AGBL4: variants seen among roughly 807,000 people sequenced by gnomAD.
The protein encoded by AGBL4 is AGBL carboxypeptidase 4.
Under a neutral mutation model 66.4 loss-of-function variants are expected in AGBL4, and 58 were observed. The observed-to-expected ratio is 0.87, with a 90% confidence interval of 0.71 to 1.09. The LOEUF (loss-of-function observed/expected upper bound fraction) is 1.09, where lower values mean the gene tolerates loss of function less well. Among genes scored for constraint, AGBL4 ranks in the 50% least tolerant of loss-of-function variants. The probability of loss-of-function intolerance (pLI) is 0.00; values close to 1 mark genes in which losing one functional copy is unlikely to be tolerated. For synonymous variants in AGBL4, 234 were observed against 222.9 expected, an observed-to-expected ratio of 1.05 and a Z score of -0.44; for missense variants, 579 against 631.0, an observed-to-expected ratio of 0.92 and a Z score of 0.88.
At chr1:48,735,022 C>T (rs1648793825) in intron 6 of AGBL4, among the ~76,000 whole-genome samples, 1 of 152,244 alleles carries the variant, frequency 6.6e-6, no homozygotes, top group Non-Finnish European at 1.5e-5. Context: ...AGTTACTTAA[C>T]ATTTCTGTGT....
rs368785456 is a variant in AGBL4 at position 49,036,508 on chromosome 1, G to A, written c.594+9076C>T. The stretch of plus-strand genomic sequence containing the variant: ...TGGGGGTAGGAGAAAAGAGAGATTA[G>A]TTTGGAGAAGAGAAGACTCATCAAG... On this transcript the variant is annotated intron_variant, in intron 5 of 13. Coordinates refer to ENST00000371839, the MANE Select transcript of AGBL4 (RefSeq NM_032785.4). Among the ~76,000 whole-genome samples the A allele has an allele frequency of 4.5e-4, 68 of 152,182 alleles. 1 individual carries two copies. The South Asian group carries it at 9.5e-3, about 21-fold the overall frequency.
At chr1:48,650,292 G>A (rs896346380) in intron 8 of AGBL4, among the ~76,000 whole-genome samples, 11 of 152,204 alleles carry the variant, frequency 7.2e-5, no homozygotes, top group Non-Finnish European at 1.5e-4. Flanking sequence ...TTGAGAGTCT[G>A]CACGTCCAGA....
At chr1:49,885,494 A>G (rs1250786796) in intron 1 of AGBL4, among the ~76,000 whole-genome samples, 1 of 151,770 alleles carries the variant, frequency 6.6e-6, no homozygotes, top group Non-Finnish European at 1.5e-5. Flanking sequence ...CACCAAAAAA[A>G]CCCCTAAACA....
chr1:49,846,222 A>G (rs1317883487), intron 2 of AGBL4: 7 of 1,459,450 alleles, frequency 4.8e-6, no homozygotes, highest in Non-Finnish European at 5.8e-6. Context: ...AAAAGGACAC[A>G]CACTGGGGAA....
At chr1:49,319,468 A>T (rs781647532) in intron 3 of AGBL4, among the ~76,000 whole-genome samples, 1 of 152,230 alleles carries the variant, frequency 6.6e-6, no homozygotes, top group Non-Finnish European at 1.5e-5. Context: ...CACCATTGCC[A>T]GAACTCAGCC....
intron 3 of AGBL4, among the ~76,000 whole-genome samples, chr1:49,561,658 T>C (rs887086936): frequency 1.3e-5 from 2 of 152,132 alleles, no homozygotes; most frequent in South Asian, 2.1e-4. Flanking sequence ...TATGGCTGCA[T>C]AGTATTCCAT....
chr1:49,414,899 T>A (rs1009334571), intron 3 of AGBL4, among the ~76,000 whole-genome samples: 1 of 152,184 alleles, frequency 6.6e-6, no homozygotes, highest in Non-Finnish European at 1.5e-5. Context: ...ATAGTTGCTA[T>A]TTTTATTTTG....
At chr1:49,752,574 C>T (rs1651560888) in intron 2 of AGBL4, among the ~76,000 whole-genome samples, 1 of 151,998 alleles carries the variant, frequency 6.6e-6, no homozygotes. Flanking sequence ...GTTCTGTAGA[C>T]GTCTATTGGG....
intron 9 of AGBL4, among the ~76,000 whole-genome samples, chr1:48,602,594 A>G (rs914613859): frequency 1.3e-5 from 2 of 152,204 alleles, no homozygotes; most frequent in Non-Finnish European, 2.9e-5. Flanking sequence ...TCCACTTGGC[A>G]GAGTGCACAT....
In AGBL4 at chr1:49,190,958, T is replaced by C. The variant is rs190356429; in HGVS notation, c.377+54812A>G. On this transcript the variant is annotated intron_variant, in intron 4 of 13. Coordinates refer to ENST00000371839, the MANE Select transcript of AGBL4 (RefSeq NM_032785.4). ...GGAAAATGAAAACCTTTGTTCTCAA[T>C]TGGACTGGAAATATCCATAAAGGGT... is the stretch of plus-strand genomic sequence containing the variant. 1.8e-3 allele frequency among the ~76,000 whole-genome samples: 273 copies of C among 152,332 alleles called. 3 individuals carry two copies. Among genetic ancestry groups the C allele is most frequent in the Non-Finnish European group, 1.5e-3 (105 of 68,022 alleles).
In AGBL4 at chr1:49,539,781, G is replaced by C. The variant is rs79159368; in HGVS notation, c.282+157532C>G. Among the ~76,000 whole-genome samples, 499 of 152,310 alleles carry C rather than the reference G, an allele frequency of 3.3e-3. 4 individuals are homozygous for C. Among genetic ancestry groups the C allele is most frequent in the Non-Finnish European group, 5.3e-3 (363 of 68,026 alleles). On this transcript the variant is annotated intron_variant, in intron 3 of 13. Transcript: ENST00000371839. ...AGTAGCCAAAGAAGGCTTGCCAGAA[G>C]AGGAGCCACCTGACCTTAGCTGGGA...
At chr1:49,916,668 T>C (rs574964240) in intron 1 of AGBL4, among the ~76,000 whole-genome samples, 8 of 152,172 alleles carry the variant, frequency 5.3e-5, no homozygotes, top group Non-Finnish European at 1.2e-4. Context: ...CTGCAGGATA[T>C]TATCCAGGAG....
At chr1:48,825,344 G>T (rs1252071034) in intron 6 of AGBL4, among the ~76,000 whole-genome samples, 1 of 152,104 alleles carries the variant, frequency 6.6e-6, no homozygotes, top group Non-Finnish European at 1.5e-5. Context: ...TGTCCTGATG[G>T]TATCAGAGGT....
chr1:48,593,499 C>A (rs144932384), intron 9 of AGBL4, among the ~76,000 whole-genome samples: 1 of 152,094 alleles, frequency 6.6e-6, no homozygotes, highest in African/African-American at 2.4e-5. Flanking sequence ...TGCCTGTAAT[C>A]CCAGCACTTT....
intron 3 of AGBL4, among the ~76,000 whole-genome samples, chr1:49,655,627 C>T (rs930031122): frequency 9.2e-5 from 14 of 152,156 alleles, no homozygotes; most frequent in African/African-American, 3.4e-4. Flanking sequence ...GACACCCTCA[C>T]ATCACAATTA....
chr1:49,396,492 A>G (rs960575917), intron 3 of AGBL4, among the ~76,000 whole-genome samples: 6 of 152,194 alleles, frequency 3.9e-5, no homozygotes, highest in Non-Finnish European at 8.8e-5. Context: ...AGATTCTTCT[A>G]AACACTAGGA....
intron 5 of AGBL4, among the ~76,000 whole-genome samples, chr1:48,909,334 C>T (rs993585325): frequency 1.3e-5 from 2 of 152,188 alleles, no homozygotes; most frequent in African/African-American, 4.8e-5. Flanking sequence ...AAGGAATTTA[C>T]TCTTCCTATT....
At chr1:49,793,282 T>A (rs1257547375) in intron 2 of AGBL4, among the ~76,000 whole-genome samples, 1 of 152,078 alleles carries the variant, frequency 6.6e-6, no homozygotes, top group East Asian at 1.9e-4. Flanking sequence ...ATAATTCTTA[T>A]CAACTACAAA....
At chr1:48,757,440 T>C (rs1275479713) in intron 6 of AGBL4, among the ~76,000 whole-genome samples, 1 of 152,246 alleles carries the variant, frequency 6.6e-6, no homozygotes, top group East Asian at 1.9e-4. Context: ...TGAACCTCTG[T>C]AGACTATGAT....
Sources: allele counts gnomAD v4.1 joint callset (sites outside exome capture counted in the v4.1 genomes callset), GRCh38; gene constraint gnomAD v4.1.1; transcripts MANE v1.5; gene names NCBI Gene and HGNC (gene_info 2026-07-23, HGNC 2026-07-21).